SHISA9: variants seen among roughly 807,000 people sequenced by gnomAD.
SHISA9 encodes protein shisa-9.
A neutral mutation model predicts 38.0 loss-of-function variants in SHISA9; 13 were observed. The ratio of observed to expected loss-of-function variants is 0.34; its 90% CI spans 0.22 to 0.54. The LOEUF is 0.54. Among genes scored for constraint, SHISA9 ranks in the 20% least tolerant of loss-of-function variants. The pLI, the probability that SHISA9 is intolerant of heterozygous loss-of-function variation, is 0.91. For synonymous variants in SHISA9, 275 were observed against 242.0 expected, an observed-to-expected ratio of 1.14 and a Z score of -1.27; for missense variants, 538 against 575.8, an observed-to-expected ratio of 0.93 and a Z score of 0.67.
At chr16:13,290,852 G>T in the SHISA9 span, among the ~76,000 whole-genome samples, 4 of 152,226 alleles carry the variant, frequency 2.6e-5, no homozygotes, top group African/African-American at 9.6e-5. Flanking sequence ...GGATCAGAGC[G>T]TTCATTTTAC....
At chr16:13,200,063 T>G (rs1219099508) in intron 2 of SHISA9, among the ~76,000 whole-genome samples, 1 of 152,138 alleles carries the variant, frequency 6.6e-6, no homozygotes, top group Non-Finnish European at 1.5e-5. Flanking sequence ...TCCTTTGCCC[T>G]TGGGGTGACA....
the SHISA9 span, among the ~76,000 whole-genome samples, chr16:13,285,462 G>GTTTTTTTTTTT: frequency 2.4e-3 from 232 of 95,772 alleles, 5 homozygotes; most frequent in African/African-American, 9.5e-3. Context: ...TTCAGGTGTA[G>GTTTTTTTTTTT]TTTTTTTTTT....
At chr16:13,368,661 G>C in the SHISA9 span, among the ~76,000 whole-genome samples, 1 of 151,060 alleles carries the variant, frequency 6.6e-6, no homozygotes, top group Non-Finnish European at 1.5e-5. Flanking sequence ...ATCTTGGAGG[G>C]TAGAAAAAAA....
the SHISA9 span, among the ~76,000 whole-genome samples, chr16:13,376,733 G>A: frequency 2.6e-5 from 4 of 152,106 alleles, no homozygotes; most frequent in African/African-American, 9.6e-5. Context: ...TCACTCCATT[G>A]CCCAGGCTGG....
the SHISA9 span, among the ~76,000 whole-genome samples, chr16:13,508,118 T>G: frequency 6.6e-6 from 1 of 152,230 alleles, no homozygotes; most frequent in African/African-American, 2.4e-5. Context: ...AGTCTTTGTT[T>G]CCTTTTCTGT....
intron 2 of SHISA9, among the ~76,000 whole-genome samples, chr16:13,147,630 T>C (rs954532675): frequency 6.6e-6 from 1 of 151,942 alleles, no homozygotes; most frequent in African/African-American, 2.4e-5. Context: ...GCCTGGCTAA[T>C]TTTTGTATTT....
intron 2 of SHISA9, among the ~76,000 whole-genome samples, chr16:13,193,443 C>T (rs1205181944): frequency 8.5e-5 from 13 of 152,156 alleles, no homozygotes; most frequent in Admixed American, 8.5e-4. Context: ...CCTCTGCCTC[C>T]TGGGTTCAAG....
intron 2 of SHISA9, among the ~76,000 whole-genome samples, chr16:13,187,642 G>A (rs575507154): frequency 2.6e-5 from 4 of 151,962 alleles, no homozygotes; most frequent in African/African-American, 9.6e-5. Context: ...GCCCATCTGG[G>A]GAACTTTTGA....
At chr16:13,271,058 G>A in the SHISA9 span, among the ~76,000 whole-genome samples, 1 of 152,182 alleles carries the variant, frequency 6.6e-6, no homozygotes, top group Non-Finnish European at 1.5e-5. Flanking sequence ...CTCAGACCCT[G>A]AGAAGGGATA....
intron 2 of SHISA9, among the ~76,000 whole-genome samples, chr16:13,177,237 T>C (rs925487866): frequency 2.6e-5 from 4 of 152,112 alleles, no homozygotes; most frequent in Non-Finnish European, 4.4e-5. Flanking sequence ...ATCTTTTTCC[T>C]CTCCTAGAGC....
chr16:13,346,527 G>C, the SHISA9 span, among the ~76,000 whole-genome samples: 1 of 152,002 alleles, frequency 6.6e-6, no homozygotes, highest in Non-Finnish European at 1.5e-5. Context: ...CCTTGTTGTT[G>C]GCTTTCACAA....
intron 2 of SHISA9, among the ~76,000 whole-genome samples, chr16:12,973,741 C>T (rs2072116730): frequency 6.6e-6 from 1 of 152,024 alleles, no homozygotes; most frequent in Non-Finnish European, 1.5e-5. Flanking sequence ...CATTAAGACT[C>T]CTAGAGGTGG....
chr16:13,161,241 C>T lies in SHISA9; in HGVS notation c.692-42153C>T, dbSNP rs183684039. Among the ~76,000 whole-genome samples the T allele has an allele frequency of 1.4e-3, 207 of 152,198 alleles. 1 individual carries two copies. The highest frequency in any genetic ancestry group is 4.7e-3 in the African/African-American group (197 of 41,532). ...GCCCAGGATGGTCAGAGTCAAAAGG[C>T]GTGGTGAGCCCTTTGCTACATTGAT... On this transcript the variant is annotated intron_variant, in intron 2 of 4. Coordinates refer to ENST00000558583, the MANE Select transcript of SHISA9 (RefSeq NM_001145204.3).
the SHISA9 span, among the ~76,000 whole-genome samples, chr16:13,349,837 G>C: frequency 9.2e-5 from 14 of 152,300 alleles, no homozygotes; most frequent in East Asian, 2.7e-3. Context: ...TTTTCATCTG[G>C]TCTGGAAGGG....
At chr16:13,251,065 G>C in the SHISA9 span, among the ~76,000 whole-genome samples, 2 of 152,108 alleles carry the variant, frequency 1.3e-5, no homozygotes, top group Non-Finnish European at 2.9e-5. Flanking sequence ...CTGCACGATA[G>C]GGTTCTTCAC....
At chr16:13,253,384 A>C in the SHISA9 span, among the ~76,000 whole-genome samples, 2 of 152,132 alleles carry the variant, frequency 1.3e-5, no homozygotes, top group Non-Finnish European at 2.9e-5. Context: ...CAAAGGTACA[A>C]GGGAGATGGC....
the SHISA9 span, among the ~76,000 whole-genome samples, chr16:13,341,774 C>T: frequency 6.6e-6 from 1 of 152,118 alleles, no homozygotes; most frequent in Non-Finnish European, 1.5e-5. Context: ...TTAAAGGAAA[C>T]ATTGATAACA....
intron 2 of SHISA9, among the ~76,000 whole-genome samples, chr16:13,073,908 G>A (rs1334763499): frequency 1.3e-5 from 2 of 151,708 alleles, no homozygotes; most frequent in East Asian, 1.9e-4. Context: ...GGACTCCTTG[G>A]TTTCAGACTT....
the SHISA9 span, among the ~76,000 whole-genome samples, chr16:13,307,315 G>A: frequency 6.6e-6 from 1 of 152,186 alleles, no homozygotes; most frequent in African/African-American, 2.4e-5. Flanking sequence ...CCAGAATGGT[G>A]TGGCCTTTCA....
Sources: gnomAD v4.1 joint callset for allele counts (sites outside exome capture counted in the v4.1 genomes callset) on GRCh38, gnomAD v4.1.1 for gene constraint, MANE v1.5 for transcripts, NCBI Gene and HGNC (gene_info 2026-07-23, HGNC 2026-07-21) for gene names.